The following USP36 variants were observed in gnomAD, a reference collection of about 807,000 sequenced individuals.
USP36 encodes the protein ubiquitin specific peptidase 36.
In USP36, 59 loss-of-function variants were observed where a neutral mutation model predicts 111.5. The ratio of observed to expected loss-of-function variants is 0.53; its 90% CI spans 0.43 to 0.66. The LOEUF (loss-of-function observed/expected upper bound fraction) is 0.66. Ranked by LOEUF, USP36 falls within the 30% of genes least tolerant of loss-of-function variation. The pLI, the probability that USP36 is intolerant of heterozygous loss-of-function variation, is 0.00. For missense variants in USP36, 1,488 were observed against 1,468.0 expected (o/e 1.01, Z -0.22); for synonymous variants, 628 against 581.0 (o/e 1.08, Z -1.16).
chr17:78,828,191 G>A (rs2067750479), intron 5 of USP36, among the ~76,000 whole-genome samples: 1 of 152,144 alleles, frequency 6.6e-6, no homozygotes, highest in Non-Finnish European at 1.5e-5. Flanking sequence ...TCCAGCCTAG[G>A]TATAAGAGCA....
At position 78,798,928 on chromosome 17, in the gene USP36, C is replaced by G; in HGVS notation, c.3220G>C (p.Glu1074Gln). The stretch of plus-strand genomic sequence containing the variant: ...CATACCTTCCCTCGGTCAAACTCTT[C>G]GTCCCAGTCATCAACCACGGTCTCA... ...RTETVVDDWD[E>Q]EFDRGKEKKI... Residue 1074 changes from glutamate (E) to glutamine (Q), a missense_variant, in exon 19 of 21, where the codon GAA becomes CAA. By Grantham distance (29) the Glu-to-Gln change is conservative. Around this residue, in one of 3 missense-constraint regions of USP36, gnomAD observed 1,073 missense variants for 994.1 expected, o/e 1.08. Transcript: ENST00000449938. This position sits in a 1 kb window ranked among gnomAD's most constrained non-coding sequence, Gnocchi z 5.1. 12 of 1,614,132 alleles carry G rather than the reference C, an allele frequency of 7.4e-6. No homozygotes were observed. Among genetic ancestry groups the G allele is most frequent in the Non-Finnish European group, 9.3e-6 (11 of 1,180,046 alleles).
At position 78,835,408 on chromosome 17, in the gene USP36, C is replaced by T. The variant is rs143004059; in HGVS notation, c.347G>A (p.Arg116Gln). 6.0e-4 allele frequency: 976 copies of T among 1,614,224 alleles called. 6 individuals carry two copies. In the African/African-American group the frequency reaches 7.0e-3, roughly 12 times the overall value. ...PTERLSLRWE[R>Q]VFRVGAGLHN... ...GAGTCCTGCGCCCACGCGGAAGACC[C>T]GCTCCCACCTCAGAGACAGTCGCTC... Residue 116 changes from arginine to glutamine, a missense_variant, in exon 4 of 21, where the codon CGG becomes CAG. Transcript: ENST00000449938.
At chr17:78,806,777 T>G (rs1166899977) in intron 14 of USP36, among the ~76,000 whole-genome samples, 182 bp downstream of exon 14, 1 of 152,218 alleles carries the variant, frequency 6.6e-6, no homozygotes, top group Non-Finnish European at 1.5e-5. Context: ...CCATACTGCC[T>G]TCACCCCAAG....
chr17:78,839,391 C>T (rs577766930), intron 1 of USP36, among the ~76,000 whole-genome samples: 4 of 152,242 alleles, frequency 2.6e-5, no homozygotes, highest in Non-Finnish European at 5.9e-5. Context: ...TAAAAGCATA[C>T]CAACTCCCGA....
In USP36 at chr17:78,803,750, G is replaced by T; in HGVS notation, c.2445C>A (p.Thr815=). Residue 815 remains threonine, a synonymous_variant, in exon 16 of 21, where the codon ACC becomes ACA. Coordinates refer to ENST00000449938, the MANE Select transcript of USP36 (RefSeq NM_001385174.1). This position sits in a 1 kb window ranked among gnomAD's most constrained non-coding sequence, Gnocchi z 4.6. ...CCAGCCTCTGCGGCTCTCCCACAAA[G>T]GTCTTTTTCCTCTTCTCAGAGGGGC... ...PQSPSEKRKK[T]FVGEPQRLGS... The T allele has an allele frequency of 1.2e-6, 2 of 1,612,642 alleles. No individual in the cohort carries two copies. Among genetic ancestry groups the T allele is most frequent in the Non-Finnish European group, 1.7e-6 (2 of 1,179,952 alleles).
chr17:78,820,089 C>A (rs778856092), intron 8 of USP36, 77 bp from the exon 9 acceptor site: 1 of 1,484,938 alleles, frequency 6.7e-7, no homozygotes, highest in African/African-American at 1.4e-5. Context: ...AATTTAAGGT[C>A]TTTTTTAGGC....
chr17:78,821,798 A>C (rs1219181502), intron 7 of USP36, 139 bp downstream of exon 7: 3 of 925,310 alleles, frequency 3.2e-6, no homozygotes, highest in Non-Finnish European at 4.9e-6. Context: ...CTCAGAGGAA[A>C]CCATGGCTCA....
Position 78,807,496 on chromosome 17 carries a change from G to A in USP36, c.1548C>T (p.Pro516=). The change falls in exon 14 of 21, where the codon CCC becomes CCT. Residue 516 remains proline (P), a synonymous_variant. Coordinates refer to ENST00000449938, the MANE Select transcript of USP36 (RefSeq NM_001385174.1). Reference sequence around the variant, plus strand: ...TGTGTGTGGGTGTCTGGGAGAGTTTGGGGGAAGGGGACCCCGAGGGCAGCT... The same window carrying A: ...TGTGTGTGGGTGTCTGGGAGAGTTTAGGGGAAGGGGACCCCGAGGGCAGCT... ...PPKLPSGSPS[P]KLSQTPTHMP... is the part of the protein sequence containing the mutation. The A allele has an allele frequency of 6.2e-7, 1 of 1,613,998 alleles. No individual in the cohort carries two copies. The highest frequency in any genetic ancestry group is 8.5e-7 in the Non-Finnish European group (1 of 1,179,924).
intron 4 of USP36, among the ~76,000 whole-genome samples, chr17:78,834,039 G>A (rs1007678073): frequency 1.3e-5 from 2 of 152,132 alleles, no homozygotes; most frequent in African/African-American, 2.4e-5. Flanking sequence ...CTGAGGTCAC[G>A]AGTTCAAGAC....
At chr17:78,799,205 T>C (rs74001255) in intron 18 of USP36, among the ~76,000 whole-genome samples, 182 bp from the exon 19 acceptor site, 1,700 of 152,320 alleles carry the variant, frequency 0.011, 32 homozygotes, top group African/African-American at 0.039. Context: ...TCGGTCAGCA[T>C]GGAACCCCCA....
chr17:78,812,697 G>GAAAAAAAA (rs572009070), intron 13 of USP36, among the ~76,000 whole-genome samples, 163 bp downstream of exon 13: 2 of 52,650 alleles, frequency 3.8e-5, no homozygotes, highest in African/African-American at 1.2e-4. Flanking sequence ...ACTCTGTCTC[G>GAAAAAAAA]AAAAAAAAAA....
At chr17:78,833,895 C>G (rs1285172378) in intron 4 of USP36, among the ~76,000 whole-genome samples, 1 of 152,100 alleles carries the variant, frequency 6.6e-6, no homozygotes, top group Non-Finnish European at 1.5e-5. Context: ...GGGAAAGATT[C>G]TCTCCTCCTC....
chr17:78,798,307 C>G lies in USP36; in HGVS notation c.*20+93G>C. 6.6e-7 allele frequency: 1 copy of G among 1,509,558 alleles called. No individual in the cohort carries two copies. Among genetic ancestry groups the G allele is most frequent in the South Asian group, 1.2e-5 (1 of 82,170 alleles). 93.5% of individuals were successfully genotyped at this position (1,509,558 alleles called of 1,614,324 possible). On this transcript the variant is annotated intron_variant, in intron 20 of 20. Transcript: ENST00000449938. The surrounding 1 kb of genome is among the most constrained non-coding windows in gnomAD (Gnocchi z 5.1). ...TGCCAGATACACAGCCCACATACATCATACACACACGCCACACCCCACCAC... is the reference window on the plus strand; with the variant it reads ...TGCCAGATACACAGCCCACATACATGATACACACACGCCACACCCCACCAC...
rs2094123203 is a variant in USP36, at chr17:78,813,826, G to A, written c.1212C>T (p.Ser404=). 2.5e-6 allele frequency: 4 copies of A among 1,613,994 alleles called. No individual in the cohort carries two copies. Among genetic ancestry groups the A allele is most frequent in the Non-Finnish European group, 3.4e-6 (4 of 1,180,018 alleles). The change falls in exon 12 of 21, where the codon TCC becomes TCT. Residue 404 remains serine (S), a synonymous_variant. Coordinates refer to ENST00000449938, the MANE Select transcript of USP36 (RefSeq NM_001385174.1). ...GGTTCAGAACCACCTTGACGTTGCT[G>A]GAATGGACCAAGGAATCATTCATCT... is the stretch of plus-strand genomic sequence containing the variant. The part of the protein sequence containing the change: ...WYQMNDSLVH[S]SNVKVVLNQQ...
chr17:78,794,618 A>G (rs575684124), downstream of USP36, among the ~76,000 whole-genome samples: 10 of 152,260 alleles, frequency 6.6e-5, no homozygotes, highest in South Asian at 2.1e-4. Flanking sequence ...TGTTTGGGAA[A>G]CGGCAGTTAA....
rs374160880 is a variant in USP36 at position 78,796,562 on chromosome 17, A to T, written c.*1338T>A. On this transcript the variant is annotated 3_prime_UTR_variant, in exon 21 of 21. Coordinates refer to ENST00000449938, the MANE Select transcript of USP36 (RefSeq NM_001385174.1). ...ACACCCACCCACATGGAAAAAAATA[A>T]ATGTATCTTCCCATATTAAAAAAGC... is the stretch of plus-strand genomic sequence containing the variant. 12 of 152,294 alleles carry T rather than the reference A, an allele frequency of 7.9e-5. 4 individuals are homozygous for T. Among genetic ancestry groups the T allele is most frequent in the Admixed American group, 6.5e-5 (1 of 15,292 alleles). 9.4% of individuals were successfully genotyped at this position (152,294 alleles called of 1,614,324 possible). A position where few individuals can be genotyped will look rare whatever the true frequency, so the allele number is the denominator to read the frequency against.
Position 78,814,457 on chromosome 17 carries a change from G to C in USP36, c.1119C>G (p.His373Gln). 1 of 1,614,184 alleles carries C rather than the reference G, an allele frequency of 6.2e-7. No homozygotes were observed. Among genetic ancestry groups the C allele is most frequent in the Non-Finnish European group, 8.5e-7 (1 of 1,180,032 alleles). ...GCCCGGCATGGCAGCTGTAGCCCGA[G>C]TGCACCAGGACAGCATAGAGTCCAT... is the stretch of plus-strand genomic sequence containing the variant. The part of the protein sequence containing the change: ...VMYGLYAVLV[H>Q]SGYSCHAGHY... Residue 373 changes from histidine to glutamine, a missense_variant, in exon 11 of 21, where the codon CAC becomes CAG. By Grantham distance (24) the His-to-Gln change is conservative. Coordinates refer to ENST00000449938, the MANE Select transcript of USP36 (RefSeq NM_001385174.1).
intron 10 of USP36, among the ~76,000 whole-genome samples, chr17:78,817,262 T>C (rs1392479623): frequency 1.3e-5 from 2 of 152,228 alleles, no homozygotes; most frequent in African/African-American, 2.4e-5. Context: ...CAGAATTGCC[T>C]GGTGACACAT....
intron 9 of USP36, chr17:78,819,167 G>C (rs1892248403): frequency 5.4e-6 from 1 of 184,156 alleles, no homozygotes; most frequent in African/African-American, 2.4e-5. Context: ...GCAAACACAG[G>C]GAGAGAAAAC....
Sources: gnomAD v4.1 joint callset for allele counts (sites outside exome capture counted in the v4.1 genomes callset) on GRCh38, gnomAD v4.1.1 for gene constraint, gnomAD v4.1.1 regional missense constraint, Gnocchi (gnomAD v3.1) non-coding constraint, MANE v1.5 for transcripts, NCBI Gene and HGNC (gene_info 2026-07-23, HGNC 2026-07-21) for gene names.